The following CADM1 variants were observed in gnomAD, a reference collection of about 807,000 sequenced individuals.
CADM1 encodes TSLC-1.
In CADM1, 15 loss-of-function variants were observed where a neutral mutation model predicts 53.1. The observed-to-expected ratio is 0.28, with a 90% CI of 0.19 to 0.44. The LOEUF (loss-of-function observed/expected upper bound fraction) is 0.44, where lower values mean the gene tolerates loss of function less well. CADM1 is among the 20% of genes least tolerant of loss of function. The pLI is 1.00. For missense variants in CADM1, 434 were observed against 611.3 expected, an observed-to-expected ratio of 0.71 and a Z score of 3.06; for synonymous variants, 281 against 243.0, an observed-to-expected ratio of 1.16 and a Z score of -1.45.
At chr11:115,422,988 A>G (rs988312699) in intron 1 of CADM1, among the ~76,000 whole-genome samples, 2 of 152,104 alleles carry the variant, frequency 1.3e-5, no homozygotes, top group African/African-American at 4.8e-5. Flanking sequence ...AAAGAAAGTT[A>G]CTGAACACAG....
At chr11:115,313,653 G>A (rs549004952) in intron 1 of CADM1, among the ~76,000 whole-genome samples, 61 of 152,268 alleles carry the variant, frequency 4.0e-4, no homozygotes, top group African/African-American at 1.5e-3. Context: ...AGGCTGGCCT[G>A]CTCCTCTGCA....
chr11:115,383,935 T>A (rs1946638600), intron 1 of CADM1, among the ~76,000 whole-genome samples: 1 of 151,792 alleles, frequency 6.6e-6, no homozygotes, highest in Non-Finnish European at 1.5e-5. Flanking sequence ...GATCCTAAGG[T>A]TTCCCTAAGA....
chr11:115,240,547 C>T, intron 1 of CADM1, 127 bp from the exon 2 acceptor site: 1 of 931,230 alleles, frequency 1.1e-6, no homozygotes, highest in Non-Finnish European at 1.7e-6. Context: ...TAGCATGGCT[C>T]TAATACCTTT....
At chr11:115,489,699 T>G (rs1007749033) in intron 1 of CADM1, among the ~76,000 whole-genome samples, 16 of 152,320 alleles carry the variant, frequency 1.1e-4, no homozygotes, top group South Asian at 6.2e-4. Context: ...CTCAGGCCAT[T>G]CAGAGAAGTC....
intron 1 of CADM1, among the ~76,000 whole-genome samples, chr11:115,404,027 G>GA (rs777461710): frequency 7.3e-5 from 11 of 150,296 alleles, no homozygotes; most frequent in Admixed American, 4.0e-4. Context: ...TATCCTCATA[G>GA]AAAAAAAATA....
At chr11:115,280,526 T>C (rs1181782169) in intron 1 of CADM1, among the ~76,000 whole-genome samples, 1 of 152,210 alleles carries the variant, frequency 6.6e-6, no homozygotes, top group African/African-American at 2.4e-5. Flanking sequence ...GGGGATTAAT[T>C]GTTAGTCCTA....
intron 1 of CADM1, among the ~76,000 whole-genome samples, chr11:115,409,419 TTGTC>T (rs1947402097): frequency 6.6e-6 from 1 of 152,210 alleles, no homozygotes; most frequent in Non-Finnish European, 1.5e-5. Context: ...TTGTTTTGTT[TTGTC>T]TTTCTTTTCT....
At chr11:115,240,199 C>T (rs1942175445) in intron 2 of CADM1, 75 bp downstream of exon 2, 2 of 1,406,604 alleles carry the variant, frequency 1.4e-6, no homozygotes, top group African/African-American at 2.8e-5. Context: ...AAAAAGGTGG[C>T]CTTAGCAATC....
chr11:115,176,259 A>G lies in CADM1; in HGVS notation c.*215T>C, dbSNP rs1264632740. ...GTAGGAAGAAATAAAAATTAAACAA[A>G]CAAACAAACGAAAAAAGAGGTGTCA... On this transcript the variant is annotated 3_prime_UTR_variant, in exon 12 of 12. Transcript: ENST00000331581. 1 of 1,326,316 alleles carries G rather than the reference A, an allele frequency of 7.5e-7. No individual in the cohort carries two copies. Among genetic ancestry groups the G allele is most frequent in the Admixed American group, 3.1e-5 (1 of 31,818 alleles). 82.2% of individuals were successfully genotyped at this position (1,326,316 alleles called of 1,614,324 possible).
chr11:115,174,768 T>C lies in CADM1; in HGVS notation c.*1706A>G. 2.2e-6 allele frequency: 2 copies of C among 899,778 alleles called. No homozygotes were observed. Among genetic ancestry groups the C allele is most frequent in the African/African-American group, 3.6e-5 (2 of 55,582 alleles). 55.7% of individuals were successfully genotyped at this position (899,778 alleles called of 1,614,324 possible). ...ATATTTATATATATATATAGATCTA[T>C]CTTTTTTGATGCCATCTTTCCATAG... is the stretch of plus-strand genomic sequence containing the variant. On this transcript the variant is annotated 3_prime_UTR_variant, in exon 12 of 12. Transcript: ENST00000331581.
At chr11:115,177,956 C>T (rs1035156462) in intron 11 of CADM1, among the ~76,000 whole-genome samples, 1 of 151,800 alleles carries the variant, frequency 6.6e-6, no homozygotes, top group African/African-American at 2.4e-5. Flanking sequence ...GAGACAGGGG[C>T]GGACAAAGAA....
rs140106555 is a variant in CADM1 at position 115,332,002 on chromosome 11, C to A, written c.125-91582G>T. On this transcript the variant is annotated intron_variant, in intron 1 of 11. Coordinates refer to ENST00000331581, the MANE Select transcript of CADM1 (RefSeq NM_001301043.2). ...ATTGTCCCAGTTTTTATGAAATTTA[C>A]TAACAATGCCCAGGTGCCTGAGCGT... Among the ~76,000 whole-genome samples the A allele has an allele frequency of 2.6e-5, 4 of 151,730 alleles. No homozygotes were observed. The East Asian group carries it at 7.8e-4, about 29-fold the overall frequency.
At chr11:115,195,891 A>G (rs1320479426) in intron 9 of CADM1, among the ~76,000 whole-genome samples, 1 of 152,194 alleles carries the variant, frequency 6.6e-6, no homozygotes, top group Non-Finnish European at 1.5e-5. Context: ...TGCTACGAGG[A>G]TTTTGGACAA....
intron 7 of CADM1, among the ~76,000 whole-genome samples, chr11:115,213,686 T>G (rs1941059576): frequency 1.3e-5 from 2 of 152,186 alleles, no homozygotes; most frequent in South Asian, 4.1e-4. Flanking sequence ...CATATATACT[T>G]ATATTTGGAT....
intron 3 of CADM1, among the ~76,000 whole-genome samples, chr11:115,237,698 A>C (rs578198278): frequency 6.6e-6 from 1 of 152,326 alleles, no homozygotes; most frequent in Non-Finnish European, 1.5e-5. Flanking sequence ...CAGTTTCAAG[A>C]ATCCAAATCA....
intron 1 of CADM1, among the ~76,000 whole-genome samples, chr11:115,388,622 G>A (rs1163316145): frequency 6.6e-6 from 1 of 151,980 alleles, no homozygotes; most frequent in African/African-American, 2.4e-5. Context: ...AATAGTGAAG[G>A]ACATGTTACT....
intron 1 of CADM1, among the ~76,000 whole-genome samples, chr11:115,283,904 G>A (rs963618061): frequency 3.3e-5 from 5 of 152,278 alleles, no homozygotes; most frequent in East Asian, 1.9e-4. Context: ...CTTGTTCAGC[G>A]TGGTATCTCC....
chr11:115,220,305 C>T (rs1941358170), intron 5 of CADM1, among the ~76,000 whole-genome samples: 1 of 152,092 alleles, frequency 6.6e-6, no homozygotes, highest in South Asian at 2.1e-4. Flanking sequence ...TCTTCAGTAC[C>T]ACTGAGTTTT....
intron 1 of CADM1, among the ~76,000 whole-genome samples, chr11:115,381,556 T>A (rs1480694656): frequency 6.6e-6 from 1 of 152,208 alleles, no homozygotes; most frequent in Non-Finnish European, 1.5e-5. Context: ...CTGAACTATT[T>A]GACCTTGGGA....
Sources: allele counts gnomAD v4.1 joint callset (sites outside exome capture counted in the v4.1 genomes callset), GRCh38; gene constraint gnomAD v4.1.1; transcripts MANE v1.5; gene names NCBI Gene and HGNC (gene_info 2026-07-23, HGNC 2026-07-21).